The following CACNA1A variants were observed in gnomAD, a reference collection of about 807,000 sequenced individuals.
CACNA1A encodes the protein voltage-dependent P/Q-type calcium channel subunit alpha-1A.
Under a neutral mutation model 262.4 loss-of-function variants are expected in CACNA1A, and 57 were observed. The observed-to-expected ratio is 0.22, with a 90% CI of 0.18 to 0.27. The LOEUF (loss-of-function observed/expected upper bound fraction) is 0.27. Among genes scored for constraint, CACNA1A ranks in the 10% least tolerant of loss-of-function variants. The pLI is 1.00. For missense variants in CACNA1A, 2,526 were observed against 3,562.8 expected, an observed-to-expected ratio of 0.71 and a Z score of 7.41; for synonymous variants, 1,431 against 1,419.3, an observed-to-expected ratio of 1.01 and a Z score of -0.18.
chr19:13,284,737 T>C (rs2057363133), intron 21 of CACNA1A, among the ~76,000 whole-genome samples: 1 of 152,244 alleles, frequency 6.6e-6, no homozygotes, highest in African/African-American at 2.4e-5. Flanking sequence ...GGGTGCCTCT[T>C]ACATCACAGT....
In CACNA1A at chr19:13,210,605, C is replaced by T. The variant is rs371246823; in HGVS notation, c.6339+12G>A. 48 of 1,559,928 alleles carry T rather than the reference C, an allele frequency of 3.1e-5. No individual in the cohort carries two copies. Among genetic ancestry groups the T allele is most frequent in the Middle Eastern group, 2.3e-4 (1 of 4,388 alleles). On this transcript the variant is annotated intron_variant, in intron 44 of 46. Coordinates refer to ENST00000360228, the MANE Select transcript of CACNA1A (RefSeq NM_001127222.2). ...GGAGCCCTGCTGGGCGCTGGGCAGG[C>T]GCGGTACATACACTGAGGTTATTCC...
intron 35 of CACNA1A, 86 bp from the exon 36 acceptor site, chr19:13,230,295 C>T (rs141500791): frequency 5.8e-5 from 85 of 1,467,300 alleles, no homozygotes; most frequent in Middle Eastern, 1.8e-4. Context: ...GACAGACAGA[C>T]GGACAGACAG....
At chr19:13,471,140 A>G (rs891435840) in intron 1 of CACNA1A, among the ~76,000 whole-genome samples, 2 of 152,166 alleles carry the variant, frequency 1.3e-5, no homozygotes, top group African/African-American at 4.8e-5. Context: ...CTCATATAAA[A>G]GCACTTACCA....
chr19:13,467,650 G>A (rs1211771456), intron 1 of CACNA1A, among the ~76,000 whole-genome samples: 1 of 151,092 alleles, frequency 6.6e-6, no homozygotes, highest in Non-Finnish European at 1.5e-5. Flanking sequence ...TGTCGCCCAG[G>A]CTGGGGCGCA....
At position 13,236,966 on chromosome 19, in the gene CACNA1A, C is replaced by T. The variant is rs1009844369; in HGVS notation, c.4951-1236G>A. On this transcript the variant is annotated intron_variant, in intron 31 of 46. Transcript: ENST00000360228. The surrounding 1 kb of genome is among the most constrained non-coding windows in gnomAD (Gnocchi z 4.6). ...GCTAATAAAACTGTTTTGTTGGGCC[C>T]GAGCAGTGTTTTTTCATTTGTCCTT... 2.3e-4 allele frequency among the ~76,000 whole-genome samples: 35 copies of T among 152,156 alleles called. No individual in the cohort carries two copies. Among genetic ancestry groups the T allele is most frequent in the African/African-American group, 1.9e-4 (8 of 41,504 alleles).
intron 11 of CACNA1A, chr19:13,315,619 A>G (rs914066528): frequency 5.3e-5 from 8 of 152,232 alleles, no homozygotes; most frequent in African/African-American, 1.9e-4. Context: ...GGGACTAAAA[A>G]CAATTACTAA....
intron 11 of CACNA1A, chr19:13,316,574 A>G (rs1275350549): frequency 6.7e-6 from 1 of 150,306 alleles, no homozygotes; most frequent in African/African-American, 2.5e-5. Flanking sequence ...AAAAAAAGGC[A>G]AAAAACGCAA....
intron 30 of CACNA1A, chr19:13,245,674 T>TC (rs1400109962): frequency 6.5e-6 from 1 of 154,298 alleles, no homozygotes; most frequent in African/African-American, 2.5e-5. Flanking sequence ...TCTTTCTCTT[T>TC]TTTTTTTTTT....
At chr19:13,490,820 G>A (rs1980762038) in intron 1 of CACNA1A, among the ~76,000 whole-genome samples, 1 of 144,078 alleles carries the variant, frequency 6.9e-6, no homozygotes. Context: ...AGGAAGGAAA[G>A]AAAGGAAGGA....
At chr19:13,299,459 A>T in intron 18 of CACNA1A, 106 bp from the exon 19 acceptor site, 1 of 884,408 alleles carries the variant, frequency 1.1e-6, no homozygotes, top group East Asian at 2.4e-5. Context: ...CCTGCTCTCC[A>T]CCCTCTACTC....
chr19:13,504,825 T>C (rs1273338510), intron 1 of CACNA1A, among the ~76,000 whole-genome samples: 3 of 152,178 alleles, frequency 2.0e-5, no homozygotes, highest in Non-Finnish European at 4.4e-5. Flanking sequence ...CTTGCCTGCC[T>C]ACATCTCGAT....
intron 1 of CACNA1A, among the ~76,000 whole-genome samples, chr19:13,498,490 G>A: frequency 6.6e-6 from 1 of 152,082 alleles, no homozygotes; most frequent in East Asian, 1.9e-4. Context: ...TTGGGGGCTG[G>A]GGGTGGGAGG....
rs538981913 is a variant in CACNA1A at position 13,209,361 on chromosome 19, G to A, written c.6477C>T (p.Ser2159=). 1.9e-5 allele frequency: 26 copies of A among 1,389,584 alleles called. No homozygotes were observed. The South Asian group carries it at 3.8e-4, about 21-fold the overall frequency. The allele number at this position is 1,389,584 out of a possible 1,614,324, so 86.1% of individuals were successfully genotyped here. A position where few individuals can be genotyped will look rare whatever the true frequency, so the allele number is the denominator to read the frequency against. The stretch of plus-strand genomic sequence containing the variant: ...CCAGGGAGCGCTCAGAGGCGCGGTG[G>A]CTGCGGTCGCGGCGCCGCTGGTGGT... ...QRHHQRRRDR[S]HRASERSLGR... The change falls in exon 45 of 47, where the codon AGC becomes AGT. Residue 2159 remains serine, a synonymous_variant. Transcript: ENST00000360228.
intron 46 of CACNA1A, among the ~76,000 whole-genome samples, chr19:13,208,493 C>T (rs1015005867): frequency 1.6e-5 from 2 of 122,470 alleles, no homozygotes; most frequent in Admixed American, 1.0e-4. Flanking sequence ...GATCCACAAC[C>T]GAGGAGCAAG....
At position 13,234,711 on chromosome 19, in the gene CACNA1A, C is replaced by A. The variant is rs571867263; in HGVS notation, c.5249+210G>T. The A allele has an allele frequency of 1.8e-5, 10 of 552,348 alleles. No homozygotes were observed. In the African/African-American group the frequency reaches 1.9e-4, roughly 10 times the overall value. 34.2% of individuals were successfully genotyped at this position (552,348 alleles called of 1,614,324 possible). ...AGGAGGAGGAGGGCACGCCCCCTAT[C>A]GGAAGAGAAGGCCGGCACGTCCCCT... is the stretch of plus-strand genomic sequence containing the variant. On this transcript the variant is annotated intron_variant, in intron 34 of 46. Coordinates refer to ENST00000360228, the MANE Select transcript of CACNA1A (RefSeq NM_001127222.2).
chr19:13,245,033 C>T (rs1568456867), intron 31 of CACNA1A, 149 bp downstream of exon 31: 2 of 671,990 alleles, frequency 3.0e-6, no homozygotes, highest in Middle Eastern at 3.8e-4. Flanking sequence ...TCCCCGGGGC[C>T]CCAGTTCTCC....
intron 6 of CACNA1A, among the ~76,000 whole-genome samples, chr19:13,351,333 ATCATT>A (rs1410765938): frequency 6.6e-6 from 1 of 152,098 alleles, no homozygotes; most frequent in Non-Finnish European, 1.5e-5. Flanking sequence ...AATAAAAATG[ATCATT>A]TATTTACTTA....
At chr19:13,398,633 G>A (rs1397793896) in intron 3 of CACNA1A, among the ~76,000 whole-genome samples, 1 of 152,164 alleles carries the variant, frequency 6.6e-6, no homozygotes, top group Non-Finnish European at 1.5e-5. Flanking sequence ...GAAAGGGTTG[G>A]GTTTATATCC....
intron 6 of CACNA1A, among the ~76,000 whole-genome samples, chr19:13,353,423 C>T (rs571063169): frequency 9.9e-5 from 15 of 151,852 alleles, no homozygotes; most frequent in Admixed American, 9.2e-4. Context: ...TGAACCACTG[C>T]GCCCAGCACC....
Sources: gnomAD v4.1 joint callset for allele counts (sites outside exome capture counted in the v4.1 genomes callset) on GRCh38, gnomAD v4.1.1 for gene constraint, Gnocchi (gnomAD v3.1) non-coding constraint, MANE v1.5 for transcripts, NCBI Gene and HGNC (gene_info 2026-07-23, HGNC 2026-07-21) for gene names.